The following CEP295 variants were observed in gnomAD, a reference collection of about 807,000 sequenced individuals.
CEP295 encodes the protein centrosomal protein of 295 kDa.
A neutral mutation model predicts 291.6 loss-of-function variants in CEP295; 190 were observed. The ratio of observed to expected loss-of-function variants is 0.65; its 90% CI spans 0.58 to 0.73. CEP295 has a LOEUF of 0.73. Ranked by LOEUF, CEP295 falls within the 30% of genes least tolerant of loss-of-function variation. The pLI is 0.00. For missense variants in CEP295, 2,863 were observed against 2,949.4 expected, an observed-to-expected ratio of 0.97 and a Z score of 0.68; for synonymous variants, 993 against 1,038.8, an observed-to-expected ratio of 0.96 and a Z score of 0.85.
chr11:93,701,790 G>A (rs1410072090), intron 15 of CEP295, among the ~76,000 whole-genome samples: 3 of 151,848 alleles, frequency 2.0e-5, no homozygotes, highest in African/African-American at 7.3e-5. Flanking sequence ...TTTTTGTAGA[G>A]ACAGGGTTTT....
chr11:93,680,617 C>T (rs1040420851), intron 7 of CEP295, among the ~76,000 whole-genome samples: 4 of 152,194 alleles, frequency 2.6e-5, no homozygotes, highest in African/African-American at 9.6e-5. Flanking sequence ...CACTATTGCA[C>T]TCCACCCTGG....
intron 4 of CEP295, among the ~76,000 whole-genome samples, chr11:93,669,342 C>G (rs778574902): frequency 4.6e-5 from 7 of 151,026 alleles, no homozygotes; most frequent in Non-Finnish European, 8.8e-5. Flanking sequence ...TCACAGGAAA[C>G]GTGAGTGAAG....
chr11:93,725,864 T>G (rs1250478205), intron 23 of CEP295, 33 bp downstream of exon 23: 1 of 1,526,194 alleles, frequency 6.6e-7, no homozygotes, highest in Non-Finnish European at 8.9e-7. Context: ...AAGTTAATTT[T>G]TCCATGATTT....
chr11:93,728,698 T>C lies in CEP295; in HGVS notation c.7179T>C (p.His2393=), dbSNP rs1186858156. The C allele has an allele frequency of 6.5e-7, 1 of 1,540,662 alleles. No homozygotes were observed. The highest frequency in any genetic ancestry group is 8.7e-7 in the Non-Finnish European group (1 of 1,144,030). Residue 2393 remains histidine, a synonymous_variant, in exon 25 of 30, where the codon CAT becomes CAC. Transcript: ENST00000325212. ...SIPVWETETG[H]GIMEEPELTL... ...GTTCACAGGAAACAGAAACTGGCCA[T>C]GGTATAATGGAAGAACCAGAACTTA...
chr11:93,698,620 C>T lies in CEP295; in HGVS notation c.3708C>T (p.Ile1236=), dbSNP rs751970130. The change falls in exon 15 of 30, where the codon ATC becomes ATT. Residue 1236 remains isoleucine, a synonymous_variant. Transcript: ENST00000325212. ...DSTIPLSHPK[I]PRCQERLLRV... Reference sequence around the variant, plus strand: ...CCATTCCCTTAAGCCATCCTAAGATCCCAAGATGTCAGGAAAGACTTTTGA... The same window carrying T: ...CCATTCCCTTAAGCCATCCTAAGATTCCAAGATGTCAGGAAAGACTTTTGA... 1.0e-5 allele frequency: 16 copies of T among 1,551,294 alleles called. No individual in the cohort carries two copies. Among genetic ancestry groups the T allele is most frequent in the Non-Finnish European group, 1.4e-5 (16 of 1,147,110 alleles).
In CEP295 at chr11:93,687,632, T is replaced by C; in HGVS notation, c.1115-12T>C. 1.4e-6 allele frequency: 2 copies of C among 1,424,712 alleles called. No homozygotes were observed. Among genetic ancestry groups the C allele is most frequent in the Non-Finnish European group, 1.9e-6 (2 of 1,051,832 alleles). 88.3% of individuals were successfully genotyped at this position (1,424,712 alleles called of 1,614,324 possible). On this transcript the variant is annotated splice_polypyrimidine_tract_variant and intron_variant, in intron 9 of 29. Coordinates refer to ENST00000325212, the MANE Select transcript of CEP295 (RefSeq NM_033395.2). ...ATGCTAAATAAGTTTTTTCCCTTTTTCTTTCTTTTAGTTCCCTTGGTAATG... is the reference window on the plus strand; with the variant it reads ...ATGCTAAATAAGTTTTTTCCCTTTTCCTTTCTTTTAGTTCCCTTGGTAATG...
intron 17 of CEP295, among the ~76,000 whole-genome samples, chr11:93,706,013 G>T (rs181130915): frequency 6.6e-6 from 1 of 152,158 alleles, no homozygotes; most frequent in Non-Finnish European, 1.5e-5. Context: ...ATGGCATTCT[G>T]TCACCCCCTT....
At chr11:93,684,851 A>G (rs1244899675) in intron 9 of CEP295, among the ~76,000 whole-genome samples, 6 of 152,158 alleles carry the variant, frequency 3.9e-5, no homozygotes, top group African/African-American at 1.4e-4. Context: ...TCAGCACGAC[A>G]AAGATCAGCA....
At chr11:93,665,810 G>C (rs1339271924) in intron 1 of CEP295, among the ~76,000 whole-genome samples, 1 of 152,182 alleles carries the variant, frequency 6.6e-6, no homozygotes, top group Non-Finnish European at 1.5e-5. Flanking sequence ...ATTGTTTACT[G>C]TAGATTATAG....
intron 9 of CEP295, among the ~76,000 whole-genome samples, chr11:93,684,911 G>C (rs1235884949): frequency 6.6e-6 from 1 of 152,052 alleles, no homozygotes; most frequent in East Asian, 1.9e-4. Context: ...TTATTTCTAG[G>C]TACTTCGTGT....
rs750211411 is a variant in CEP295, at chr11:93,727,344, G to A, written c.6868G>A (p.Val2290Ile). ...GFEELSKRGV[V>I]TMLQSQGLIE... ...TGAAGAACTATCAAAAAGAGGGGTT[G>A]TTACAATGTTACAAAGTCAAGGACT... Residue 2290 changes from valine to isoleucine, a missense_variant, in exon 24 of 30, where the codon GTT becomes ATT. This residue lies in a region of CEP295 where 2,295 missense variants were observed against 2,335.7 expected (regional missense o/e 0.98). Transcript: ENST00000325212. The A allele has an allele frequency of 1.1e-5, 17 of 1,551,296 alleles. No individual in the cohort carries two copies. Among genetic ancestry groups the A allele is most frequent in the Non-Finnish European group, 1.5e-5 (17 of 1,146,898 alleles).
chr11:93,713,533 G>A lies in CEP295; in HGVS notation c.5749+6636G>A, dbSNP rs182692049. 3.6e-3 allele frequency among the ~76,000 whole-genome samples: 546 copies of A among 152,284 alleles called. 4 individuals are homozygous for A. Among genetic ancestry groups the A allele is most frequent in the African/African-American group, 0.012 (515 of 41,550 alleles). ...TTTCCTGAAAAGTCTGCTGCTAGAC[G>A]TATTGGAGCTCCATTGTATATTATT... On this transcript the variant is annotated intron_variant, in intron 18 of 29. Transcript: ENST00000325212.
In CEP295 at chr11:93,702,824, T is replaced by G; in HGVS notation, c.5501T>G (p.Val1834Gly). The change falls in exon 17 of 30, where the codon GTA becomes GGA. Residue 1834 changes from valine to glycine, a missense_variant. Val to Gly is a moderately radical substitution (Grantham distance 109). Transcript: ENST00000325212. Reference protein sequence around the residue: ...DLGRRSSKPPVAKVKCGLDLN... With the variant: ...DLGRRSSKPPGAKVKCGLDLN... Reference sequence around the variant, plus strand: ...GGGAGAAGATCCTCAAAGCCACCTGTAGCAAAAGTCAAATGTGGTTTGGAC... The same window carrying G: ...GGGAGAAGATCCTCAAAGCCACCTGGAGCAAAAGTCAAATGTGGTTTGGAC... The G allele has an allele frequency of 7.1e-6, 11 of 1,551,794 alleles. No homozygotes were observed. The East Asian group carries it at 2.7e-4, about 38-fold the overall frequency.
intron 1 of CEP295, among the ~76,000 whole-genome samples, chr11:93,666,019 G>A (rs539509444): frequency 3.9e-5 from 6 of 152,230 alleles, no homozygotes; most frequent in Admixed American, 6.5e-5. Flanking sequence ...ATCTTTTTAG[G>A]TCTTTGTGCT....
Position 93,699,745 on chromosome 11 carries a change from G to A in CEP295, c.4833G>A (p.Arg1611=). ...DNMTAQLDAQ[R]EVMYSYEKPQ... Reference sequence around the variant, plus strand: ...TGACAGCACAATTGGATGCACAAAGGGAAGTGATGTATTCTTATGAGAAAC... The same window carrying A: ...TGACAGCACAATTGGATGCACAAAGAGAAGTGATGTATTCTTATGAGAAAC... The change falls in exon 15 of 30, where the codon AGG becomes AGA. Residue 1611 remains arginine, a synonymous_variant. Transcript: ENST00000325212. The A allele has an allele frequency of 2.6e-6, 4 of 1,551,950 alleles. No individual in the cohort carries two copies. Among genetic ancestry groups the A allele is most frequent in the Middle Eastern group, 1.7e-4 (1 of 5,994 alleles).
Position 93,687,648 on chromosome 11 carries a change from C to T in CEP295, c.1119C>T (p.Pro373=). The change falls in exon 10 of 30, where the codon CCC becomes CCT. Residue 373 remains proline, a synonymous_variant. Transcript: ENST00000325212. The part of the protein sequence containing the change: ...AEICSSETDV[P]LVMKTQQIPS... ...TTCCCTTTTTCTTTCTTTTAGTTCC[C>T]TTGGTAATGAAGACCCAACAGATTC... 1 of 1,491,658 alleles carries T rather than the reference C, an allele frequency of 6.7e-7. No individual in the cohort carries two copies. Among genetic ancestry groups the T allele is most frequent in the Non-Finnish European group, 9.1e-7 (1 of 1,104,798 alleles). The allele number at this position is 1,491,658 out of a possible 1,614,324, so 92.4% of individuals were successfully genotyped here.
At chr11:93,714,682 A>G (rs954114144) in intron 18 of CEP295, among the ~76,000 whole-genome samples, 1 of 152,194 alleles carries the variant, frequency 6.6e-6, no homozygotes, top group African/African-American at 2.4e-5. Context: ...CCATGTCTTC[A>G]TTAGGGGATA....
chr11:93,699,910 A>C lies in CEP295; in HGVS notation c.4998A>C (p.Lys1666Asn), dbSNP rs560242953. 7.7e-6 allele frequency: 12 copies of C among 1,551,632 alleles called. No individual in the cohort carries two copies. Among genetic ancestry groups the C allele is most frequent in the Non-Finnish European group, 1.0e-5 (12 of 1,147,000 alleles). The part of the protein sequence containing the change: ...IPLPFAEAKP[K>N]STCELYSSQN... ...TACCTTTTGCAGAAGCTAAACCTAA[A>C]AGCACTTGTGAATTGTATTCATCCC... The change falls in exon 15 of 30, where the codon AAA becomes AAC. Residue 1666 changes from lysine (K) to asparagine (N), a missense_variant. By Grantham distance (94) the Lys-to-Asn change is moderately conservative. Transcript: ENST00000325212.
intron 20 of CEP295, chr11:93,722,411 A>G: frequency 4.9e-6 from 1 of 203,046 alleles, no homozygotes; most frequent in South Asian, 8.9e-5. Context: ...GCAATGAGCC[A>G]CAATCACGCC....
Sources: gnomAD v4.1 joint callset for allele counts (sites outside exome capture counted in the v4.1 genomes callset) on GRCh38, gnomAD v4.1.1 for gene constraint, gnomAD v4.1.1 regional missense constraint, MANE v1.5 for transcripts, NCBI Gene and HGNC (gene_info 2026-07-23, HGNC 2026-07-21) for gene names.